Variants in KCNG3 observed in about 807,000 individuals in gnomAD.
KCNG3 encodes the protein potassium voltage-gated channel modifier subfamily G member 3, also known as voltage-gated potassium channel regulatory subunit KCNG3.
In KCNG3, 15 loss-of-function variants were observed where a neutral mutation model predicts 29.0. That is an observed-to-expected ratio of 0.52 (90% CI 0.35 to 0.80). KCNG3 has a LOEUF of 0.80. Among genes scored for constraint, KCNG3 ranks in the 30% least tolerant of loss-of-function variants. The probability of loss-of-function intolerance (pLI) is 0.01; values close to 1 mark genes in which losing one functional copy is unlikely to be tolerated. For synonymous variants in KCNG3, 322 were observed against 248.9 expected, an observed-to-expected ratio of 1.29 and a Z score of -2.76; for missense variants, 512 against 605.7, an observed-to-expected ratio of 0.85 and a Z score of 1.62.
chr2:42,457,856 C>T (rs548699283), intron 1 of KCNG3, among the ~76,000 whole-genome samples: 35 of 151,884 alleles, frequency 2.3e-4, no homozygotes, highest in Non-Finnish European at 4.1e-4. Flanking sequence ...TGTGGTGTCA[C>T]GCACCTGTAG....
intron 1 of KCNG3, among the ~76,000 whole-genome samples, chr2:42,478,128 T>A (rs1404115900): frequency 6.6e-6 from 1 of 152,132 alleles, no homozygotes; most frequent in African/African-American, 2.4e-5. Context: ...AAAACCATGG[T>A]TCTCAAACTT....
the KCNG3 span, among the ~76,000 whole-genome samples, chr2:42,420,721 C>T: frequency 2.0e-5 from 3 of 151,820 alleles, no homozygotes; most frequent in Non-Finnish European, 4.4e-5. Flanking sequence ...ACTCAGGAGG[C>T]GGAGGTTGCA....
chr2:42,473,499 A>G (rs569831502), intron 1 of KCNG3, among the ~76,000 whole-genome samples: 3 of 151,920 alleles, frequency 2.0e-5, no homozygotes, highest in Admixed American at 6.6e-5. Context: ...ACAGGCACAC[A>G]CCACCATGCC....
At chr2:42,398,740 G>A in the KCNG3 span, among the ~76,000 whole-genome samples, 623 of 152,242 alleles carry the variant, frequency 4.1e-3, 5 homozygotes, top group African/African-American at 0.014. Flanking sequence ...GACAGGAGCC[G>A]GGCTCATTTT....
intron 1 of KCNG3, among the ~76,000 whole-genome samples, chr2:42,462,343 C>A (rs1224824988): frequency 1.3e-5 from 2 of 152,184 alleles, no homozygotes; most frequent in Non-Finnish European, 2.9e-5. Flanking sequence ...ACCCTGCAGA[C>A]CTTTTGGTAT....
intron 1 of KCNG3, among the ~76,000 whole-genome samples, chr2:42,462,253 A>G (rs966887962): frequency 6.6e-6 from 1 of 152,204 alleles, no homozygotes; most frequent in Admixed American, 6.5e-5. Context: ...ACAACAAGAG[A>G]AGGAATTCAG....
chr2:42,440,196 C>A (rs925620049), downstream of KCNG3, among the ~76,000 whole-genome samples: 2 of 152,170 alleles, frequency 1.3e-5, no homozygotes, highest in Admixed American at 1.3e-4. Flanking sequence ...GTTCCAACTT[C>A]CTATGACCCT....
intron 1 of KCNG3, among the ~76,000 whole-genome samples, chr2:42,482,534 C>T (rs536517434): frequency 9.2e-4 from 140 of 152,216 alleles, no homozygotes; most frequent in Admixed American, 3.6e-3. Flanking sequence ...ACCAGCCTAG[C>T]CAACACGGTG....
the KCNG3 span, among the ~76,000 whole-genome samples, chr2:42,413,330 C>A: frequency 6.6e-6 from 1 of 152,138 alleles, no homozygotes; most frequent in Non-Finnish European, 1.5e-5. Context: ...CAGTCAGAGT[C>A]TCTGCTTTTA....
Position 42,452,130 on chromosome 2 carries a change from G to A in KCNG3, c.666-7551C>T, listed in dbSNP as rs545015282. Among the ~76,000 whole-genome samples the A allele has an allele frequency of 7.0e-4, 105 of 150,276 alleles. 2 individuals carry two copies. The South Asian group carries it at 0.02, about 29-fold the overall frequency. ...TTTTATTTTTAATTTTCATGGGTAC[G>A]TAGTAGGTGTATATATTTATGGGTT... is the stretch of plus-strand genomic sequence containing the variant. On this transcript the variant is annotated intron_variant, in intron 1 of 1. Transcript: ENST00000306078.
the KCNG3 span, among the ~76,000 whole-genome samples, chr2:42,409,719 AAAAAAAAAAAT>A: frequency 2.7e-5 from 4 of 148,256 alleles, no homozygotes; most frequent in East Asian, 2.0e-4. Context: ...AAAAAAAAAA[AAAAAAAAAAAT>A]TTTTTTTTAA....
the KCNG3 span, among the ~76,000 whole-genome samples, chr2:42,419,391 C>T: frequency 3.3e-5 from 5 of 151,734 alleles, no homozygotes; most frequent in African/African-American, 9.7e-5. Context: ...GCACCTGCCA[C>T]CATGCCCGGC....
In KCNG3 at chr2:42,464,297, C is replaced by A. The variant is rs530631763; in HGVS notation, c.666-19718G>T. On this transcript the variant is annotated intron_variant, in intron 1 of 1. Coordinates refer to ENST00000306078, the MANE Select transcript of KCNG3 (RefSeq NM_133329.6). ...GCCCAGGTTGGTCTAGAACTGCTGG[C>A]CTCAAGTGATCCACCTGCCTTGGCC... Among the ~76,000 whole-genome samples, 21 of 152,238 alleles carry A rather than the reference C, an allele frequency of 1.4e-4. No homozygotes were observed. The East Asian group carries it at 3.9e-3, about 28-fold the overall frequency.
intron 1 of KCNG3, among the ~76,000 whole-genome samples, chr2:42,490,478 A>G (rs940650791): frequency 3.9e-4 from 59 of 152,092 alleles, no homozygotes; most frequent in Non-Finnish European, 1.8e-4. Context: ...GCAGTGCACA[A>G]CCTCTGCAAC....
At chr2:42,479,607 C>G (rs1296206105) in intron 1 of KCNG3, among the ~76,000 whole-genome samples, 1 of 148,766 alleles carries the variant, frequency 6.7e-6, no homozygotes, top group Non-Finnish European at 1.5e-5. Flanking sequence ...GATAGCACCA[C>G]TGCACTTCAG....
chr2:42,428,699 AAAT>A, the KCNG3 span, among the ~76,000 whole-genome samples: 1 of 152,172 alleles, frequency 6.6e-6, no homozygotes, highest in Non-Finnish European at 1.5e-5. Context: ...CTAGCTTAAT[AAAT>A]AATAACAATA....
intron 1 of KCNG3, among the ~76,000 whole-genome samples, chr2:42,482,782 T>C (rs1164411925): frequency 1.3e-5 from 2 of 151,764 alleles, no homozygotes; most frequent in Non-Finnish European, 2.9e-5. Context: ...CTTGTAAATA[T>C]CCCAAAAACC....
At chr2:42,425,211 A>G in the KCNG3 span, 1 of 151,380 alleles carries the variant, frequency 6.6e-6, no homozygotes, top group Non-Finnish European at 1.5e-5. Context: ...CAGCCCGGCC[A>G]GCATGGCAAA....
At position 42,452,238 on chromosome 2, in the gene KCNG3, TA is replaced by T. The variant is rs1388229273; in HGVS notation, c.666-7660del. On this transcript the variant is annotated intron_variant, in intron 1 of 1. Coordinates refer to ENST00000306078, the MANE Select transcript of KCNG3 (RefSeq NM_133329.6). ...GGTGGTAAATATATATATATATATA[TA>T]TATATTTTTTTTTTTTTTTTAAAGG... Among the ~76,000 whole-genome samples the T allele has an allele frequency of 6.7e-3, 465 of 69,660 alleles. 4 individuals carry two copies. Among genetic ancestry groups the T allele is most frequent in the African/African-American group, 0.026 (440 of 16,726 alleles). 45.7% of individuals were successfully genotyped at this position (69,660 alleles called of 152,430 possible). A position where few individuals can be genotyped will look rare whatever the true frequency, so the allele number is the denominator to read the frequency against.
Sources: gnomAD v4.1 joint callset for allele counts (sites outside exome capture counted in the v4.1 genomes callset) on GRCh38, gnomAD v4.1.1 for gene constraint, MANE v1.5 for transcripts, NCBI Gene and HGNC (gene_info 2026-07-23, HGNC 2026-07-21) for gene names.